The following HCN2 variants were observed in gnomAD, a reference collection of about 807,000 sequenced individuals.
The protein encoded by HCN2 is hyperpolarization activated cyclic nucleotide gated potassium and sodium channel 2.
HCN2 carries 20 observed loss-of-function variants against 52.3 expected under a neutral mutation model. The observed-to-expected ratio is 0.38, with a 90% confidence interval of 0.27 to 0.56. HCN2 has a LOEUF of 0.56. Ranked by LOEUF, HCN2 falls within the 20% of genes least tolerant of loss-of-function variation. The probability of loss-of-function intolerance (pLI) is 0.71; values close to 1 mark genes in which losing one functional copy is unlikely to be tolerated. For synonymous variants in HCN2, 694 were observed against 537.0 expected (o/e 1.29, Z -4.04); for missense variants, 981 against 1,207.7 (o/e 0.81, Z 2.78).
At chr19:604,687 G>A (rs1021095291) in intron 2 of HCN2, among the ~76,000 whole-genome samples, 2 of 143,184 alleles carry the variant, frequency 1.4e-5, no homozygotes, top group Non-Finnish European at 3.1e-5. Flanking sequence ...GGCAGCAGGG[G>A]CGGGGCAATG....
chr19:615,201 C>T (rs919847030), intron 7 of HCN2, among the ~76,000 whole-genome samples: 4 of 152,096 alleles, frequency 2.6e-5, no homozygotes, highest in African/African-American at 9.7e-5. Context: ...GCTCCATGTA[C>T]ACAGCAGGCA....
In HCN2 at chr19:590,725, C is replaced by T; in HGVS notation, c.632+148C>T. The stretch of plus-strand genomic sequence containing the variant: ...TCGGTGACCTCGGGCGTGTCCGGGA[C>T]CCGCCCCGGAGTGACCCCGGCGCGC... On this transcript the variant is annotated intron_variant, in intron 1 of 7. Coordinates refer to ENST00000251287, the MANE Select transcript of HCN2 (RefSeq NM_001194.4). This position sits in a 1 kb window ranked among gnomAD's most constrained non-coding sequence, Gnocchi z 7.2. 1.9e-6 allele frequency: 1 copy of T among 529,206 alleles called. No homozygotes were observed. Among genetic ancestry groups the T allele is most frequent in the Non-Finnish European group, 2.8e-6 (1 of 361,550 alleles). 32.8% of individuals were successfully genotyped at this position (529,206 alleles called of 1,614,324 possible).
rs1318250861 is a variant in HCN2 at position 591,090 on chromosome 19, C to A, written c.632+513C>A. On this transcript the variant is annotated intron_variant, in intron 1 of 7. Coordinates refer to ENST00000251287, the MANE Select transcript of HCN2 (RefSeq NM_001194.4). This position sits in a 1 kb window ranked among gnomAD's most constrained non-coding sequence, Gnocchi z 4.1. ...AGCGTGCGGGTCCCCAGGCTGTGTC[C>A]CCGGGAGCCGCTCCACCCGAGCCGC... The A allele has an allele frequency of 1.3e-5, 2 of 151,806 alleles. No homozygotes were observed. The highest frequency in any genetic ancestry group is 4.8e-5 in the African/African-American group (2 of 41,326). 9.4% of individuals were successfully genotyped at this position (151,806 alleles called of 1,614,324 possible).
intron 7 of HCN2, among the ~76,000 whole-genome samples, chr19:614,525 G>A (rs1983814169): frequency 6.6e-6 from 1 of 152,162 alleles, no homozygotes; most frequent in Admixed American, 6.5e-5. Flanking sequence ...GGTAAGGGAT[G>A]CCATGTGGAA....
rs1393509208 is a variant in HCN2 at position 591,887 on chromosome 19, G to T, written c.632+1310G>T. Among the ~76,000 whole-genome samples, 3 of 152,174 alleles carry T rather than the reference G, an allele frequency of 2.0e-5. No individual in the cohort carries two copies. The highest frequency in any genetic ancestry group is 4.4e-5 in the Non-Finnish European group (3 of 68,018). ...CTGGGGCACATGCGTCCTGGACAGA[G>T]CCTGGAGGAAGGCCCTGGAATCCTC... On this transcript the variant is annotated intron_variant, in intron 1 of 7. Transcript: ENST00000251287. The surrounding 1 kb of genome is among the most constrained non-coding windows in gnomAD (Gnocchi z 4.1).
rs1190183382 is a variant in HCN2 at position 617,030 on chromosome 19, G to T, written c.*556G>T. 9.4e-6 allele frequency: 5 copies of T among 530,902 alleles called. No individual in the cohort carries two copies. Among genetic ancestry groups the T allele is most frequent in the African/African-American group, 3.8e-5 (2 of 52,324 alleles). The allele number at this position is 530,902 out of a possible 1,614,324, so 32.9% of individuals were successfully genotyped here. Reference sequence around the variant, plus strand: ...GCCTGGCTGCGCAGGGCGCGGGGGGGAGGCTGGGGTCCCGCCGCCGTGATG... The same window carrying T: ...GCCTGGCTGCGCAGGGCGCGGGGGGTAGGCTGGGGTCCCGCCGCCGTGATG... On this transcript the variant is annotated 3_prime_UTR_variant, in exon 8 of 8. Coordinates refer to ENST00000251287, the MANE Select transcript of HCN2 (RefSeq NM_001194.4).
Position 610,316 on chromosome 19 carries a change from A to G in HCN2, c.1495A>G (p.Lys499Glu). Residue 499 changes from lysine (K) to glutamate (E), a missense_variant, in exon 5 of 8, where the codon AAG becomes GAG. This residue lies in a region of HCN2 where 282 missense variants were observed against 553.8 expected (regional missense o/e 0.51). Coordinates refer to ENST00000251287, the MANE Select transcript of HCN2 (RefSeq NM_001194.4). Reference sequence around the variant, plus strand: ...CAAGCTGCCAGCTGACTTCCGCCAGAAGATCCACGACTACTATGAGCACCG... The same window carrying G: ...CAAGCTGCCAGCTGACTTCCGCCAGGAGATCCACGACTACTATGAGCACCG... ...FHKLPADFRQ[K>E]IHDYYEHRYQ... 1 of 1,613,828 alleles carries G rather than the reference A, an allele frequency of 6.2e-7. No homozygotes were observed. Among genetic ancestry groups the G allele is most frequent in the Admixed American group, 1.7e-5 (1 of 60,018 alleles).
intron 1 of HCN2, among the ~76,000 whole-genome samples, chr19:598,607 T>G (rs1983107473): frequency 6.6e-6 from 1 of 150,966 alleles, no homozygotes; most frequent in Non-Finnish European, 1.5e-5. Context: ...CACCCACCCT[T>G]CCCTTCTTTT....
At chr19:610,468 GA>G in intron 5 of HCN2, 63 bp downstream of exon 5, 3 of 1,473,822 alleles carry the variant, frequency 2.0e-6, no homozygotes, top group Non-Finnish European at 2.8e-6. Flanking sequence ...CCCTCTCCTG[GA>G]GCCCAGGAGC....
At chr19:610,548 C>T (rs1419703753) in intron 5 of HCN2, 143 bp downstream of exon 5, 2 of 679,594 alleles carry the variant, frequency 2.9e-6, no homozygotes, top group South Asian at 1.8e-5. Context: ...GCGTACACAC[C>T]CTCCCCTCCC....
At position 608,199 on chromosome 19, in the gene HCN2, C is replaced by T. The variant is rs1376825586; in HGVS notation, c.1437+17C>T. ...CAGGAGAAGGTCTGAGGGAGGCGGGCCCCGGCCTGGGTTCTGATGGGGGAG... is the reference window on the plus strand; with the variant it reads ...CAGGAGAAGGTCTGAGGGAGGCGGGTCCCGGCCTGGGTTCTGATGGGGGAG... On this transcript the variant is annotated intron_variant, in intron 4 of 7. Coordinates refer to ENST00000251287, the MANE Select transcript of HCN2 (RefSeq NM_001194.4). 1.9e-5 allele frequency: 30 copies of T among 1,607,978 alleles called. No individual in the cohort carries two copies. The highest frequency in any genetic ancestry group is 2.3e-5 in the Non-Finnish European group (27 of 1,176,716).
intron 7 of HCN2, 60 bp from the exon 8 acceptor site, chr19:615,735 G>C: frequency 1.3e-6 from 2 of 1,569,162 alleles, no homozygotes; most frequent in South Asian, 2.2e-5. Context: ...GTAGGTGCTC[G>C]GTGCCCGCTG....
Position 590,416 on chromosome 19 carries a change from C to T in HCN2, c.471C>T (p.Gly157=), listed in dbSNP as rs1233455262. Residue 157 remains glycine, a synonymous_variant, in exon 1 of 8, where the codon GGC becomes GGT. Transcript: ENST00000251287. This position sits in a 1 kb window ranked among gnomAD's most constrained non-coding sequence, Gnocchi z 7.2. ...CGGGCCCGGCGGGGGAGCCGCGCGGCAGCCAGGCCAGCTTCATGCAGCGCC... is the reference window on the plus strand; with the variant it reads ...CGGGCCCGGCGGGGGAGCCGCGCGGTAGCCAGGCCAGCTTCATGCAGCGCC... ...EEAGPAGEPR[G]SQASFMQRQF... 3.6e-6 allele frequency: 5 copies of T among 1,383,368 alleles called. No homozygotes were observed. The highest frequency in any genetic ancestry group is 2.9e-5 in the East Asian group (1 of 33,940). 85.7% of individuals were successfully genotyped at this position (1,383,368 alleles called of 1,614,324 possible).
At chr19:612,939 G>A (rs550888797) in intron 5 of HCN2, among the ~76,000 whole-genome samples, 3 of 151,630 alleles carry the variant, frequency 2.0e-5, no homozygotes, top group South Asian at 2.1e-4. Context: ...CTCGGCCTCC[G>A]CAAATGCTGA....
intron 5 of HCN2, among the ~76,000 whole-genome samples, chr19:611,944 G>A (rs538782544): frequency 9.2e-5 from 14 of 152,238 alleles, no homozygotes; most frequent in Admixed American, 2.0e-4. Context: ...TCAGGAGTTC[G>A]AGACCAGCCT....
intron 7 of HCN2, among the ~76,000 whole-genome samples, chr19:614,537 C>T (rs1416701534): frequency 1.3e-5 from 2 of 152,048 alleles, no homozygotes; most frequent in Non-Finnish European, 2.9e-5. Context: ...CATGTGGAAA[C>T]GGGGAGGAAG....
intron 1 of HCN2, among the ~76,000 whole-genome samples, chr19:595,675 G>A (rs562057563): frequency 7.2e-5 from 11 of 152,266 alleles, no homozygotes; most frequent in South Asian, 2.1e-4. Context: ...GTGCCCCGGC[G>A]CCCGGCGAGA....
intron 5 of HCN2, among the ~76,000 whole-genome samples, chr19:612,647 T>G (rs1277743852): frequency 1.3e-5 from 2 of 152,044 alleles, no homozygotes; most frequent in Non-Finnish European, 2.9e-5. Context: ...ACTCCTGACA[T>G]CAGGCGATCC....
chr19:609,186 G>C (rs559169260), intron 4 of HCN2, among the ~76,000 whole-genome samples: 1 of 152,198 alleles, frequency 6.6e-6, no homozygotes, highest in African/African-American at 2.4e-5. Flanking sequence ...CCGCCGTCAC[G>C]GGTTCCGCTG....
Sources: gnomAD v4.1 joint callset for allele counts (sites outside exome capture counted in the v4.1 genomes callset) on GRCh38, gnomAD v4.1.1 for gene constraint, gnomAD v4.1.1 regional missense constraint, Gnocchi (gnomAD v3.1) non-coding constraint, MANE v1.5 for transcripts, NCBI Gene and HGNC (gene_info 2026-07-23, HGNC 2026-07-21) for gene names.